Variants in PCDHGA1 observed in about 807,000 individuals in gnomAD.
The protein encoded by PCDHGA1 is protocadherin gamma-A1.
Under a neutral mutation model 58.0 loss-of-function variants are expected in PCDHGA1, and 32 were observed. That is an observed-to-expected ratio of 0.55 (90% CI 0.42 to 0.74). The LOEUF is 0.74. Ranked by LOEUF, PCDHGA1 falls within the 30% of genes least tolerant of loss-of-function variation. The pLI, the probability that PCDHGA1 is intolerant of heterozygous loss-of-function variation, is 0.00. For missense variants in PCDHGA1, 1,205 were observed against 1,182.3 expected, an observed-to-expected ratio of 1.02 and a Z score of -0.28; for synonymous variants, 498 against 501.1, an observed-to-expected ratio of 0.99 and a Z score of 0.08.
intron 1 of PCDHGA1, chr5:141,423,426 GGCAGGTA>G: frequency 1.9e-6 from 3 of 1,614,028 alleles, no homozygotes; most frequent in Non-Finnish European, 2.5e-6. Flanking sequence ...AAGGCGGGTT[GGCAGGTA>G]TGCCCACGTC....
chr5:141,366,737 G>GAAC, intron 1 of PCDHGA1: 2 of 1,612,444 alleles, frequency 1.2e-6, no homozygotes, highest in Non-Finnish European at 1.7e-6. Context: ...AAACAAAGAA[G>GAAC]AACGGCGAGT....
intron 1 of PCDHGA1, among the ~76,000 whole-genome samples, chr5:141,438,629 TATATATAC>T (rs1474630940): frequency 0.043 from 2,039 of 47,824 alleles, 19 homozygotes; most frequent in South Asian, 0.061. Flanking sequence ...TATATATATA[TATATATAC>T]ACACACACAC....
At position 141,339,713 on chromosome 5, in the gene PCDHGA1, C is replaced by T. The variant is rs760007319; in HGVS notation, c.2421+6608C>T. 12 of 1,614,112 alleles carry T rather than the reference C, an allele frequency of 7.4e-6. No homozygotes were observed. In the South Asian group the frequency reaches 7.7e-5, roughly 10 times the overall value. ...GCCTGTTTTTACACAGCCCGAGTAC[C>T]GCATAAGCATTCCGGAGAATACGCT... On this transcript the variant is annotated intron_variant, in intron 1 of 3. Coordinates refer to ENST00000517417, the MANE Select transcript of PCDHGA1 (RefSeq NM_018912.3).
intron 3 of PCDHGA1, among the ~76,000 whole-genome samples, chr5:141,509,745 T>C (rs1456852988): frequency 6.6e-6 from 1 of 152,186 alleles, no homozygotes; most frequent in East Asian, 1.9e-4. Context: ...TCTGAGCCTG[T>C]GCCTAAAGTG....
chr5:141,397,298 T>C (rs140040192), intron 1 of PCDHGA1, among the ~76,000 whole-genome samples: 13 of 152,318 alleles, frequency 8.5e-5, no homozygotes, highest in African/African-American at 2.9e-4. Context: ...AATGAATATT[T>C]CCTGAAGTAG....
chr5:141,375,842 C>CT (rs1331781655), intron 1 of PCDHGA1: 1 of 1,614,004 alleles, frequency 6.2e-7, no homozygotes, highest in Non-Finnish European at 8.5e-7. Flanking sequence ...GCCCGGCTAC[C>CT]TGGTGACCAA....
chr5:141,485,961 A>G lies in PCDHGA1; in HGVS notation c.2422-8846A>G. Reference sequence around the variant, plus strand: ...GCACCAGCGGGCATGGTGCTCATCCAGCTCAATGCCTCAGACCCGGACCTG... The same window carrying G: ...GCACCAGCGGGCATGGTGCTCATCCGGCTCAATGCCTCAGACCCGGACCTG... On this transcript the variant is annotated intron_variant, in intron 1 of 3. Coordinates refer to ENST00000517417, the MANE Select transcript of PCDHGA1 (RefSeq NM_018912.3). This position sits in a 1 kb window ranked among gnomAD's most constrained non-coding sequence, Gnocchi z 5.7. 1 of 1,614,204 alleles carries G rather than the reference A, an allele frequency of 6.2e-7. No individual in the cohort carries two copies. Among genetic ancestry groups the G allele is most frequent in the Non-Finnish European group, 8.5e-7 (1 of 1,180,028 alleles).
At chr5:141,423,248 C>A in intron 1 of PCDHGA1, 1 of 1,613,888 alleles carries the variant, frequency 6.2e-7, no homozygotes, top group Non-Finnish European at 8.5e-7. Context: ...GAAGTCCTGG[C>A]GGACCTCGGC....
chr5:141,365,027 C>T (rs1277837734), intron 1 of PCDHGA1: 1 of 1,613,896 alleles, frequency 6.2e-7, no homozygotes, highest in South Asian at 1.1e-5. Flanking sequence ...TGTTACGGTC[C>T]TCGACGCAAA....
At position 141,431,294 on chromosome 5, in the gene PCDHGA1, T is replaced by C; in HGVS notation, c.2422-63513T>C. 1.9e-6 allele frequency: 3 copies of C among 1,614,096 alleles called. No individual in the cohort carries two copies. Among genetic ancestry groups the C allele is most frequent in the Non-Finnish European group, 2.5e-6 (3 of 1,180,026 alleles). ...CGAGCTCAGCCCGAACACTCACTTC[T>C]CCCTCATCGTGCAAAATGGAGCCGA... On this transcript the variant is annotated intron_variant, in intron 1 of 3. Transcript: ENST00000517417. The surrounding 1 kb of genome is among the most constrained non-coding windows in gnomAD (Gnocchi z 4.8).
At chr5:141,372,324 G>C in intron 1 of PCDHGA1, 2 of 1,613,704 alleles carry the variant, frequency 1.2e-6, no homozygotes, top group South Asian at 2.2e-5. Context: ...GCGCCTGCTG[G>C]TCACTGTGCG....
intron 1 of PCDHGA1, chr5:141,352,367 G>A: frequency 3.1e-6 from 5 of 1,614,060 alleles, no homozygotes; most frequent in South Asian, 1.1e-5. Context: ...TCTCCTCGCG[G>A]TGATTCTAGC....
chr5:141,352,381 C>A, intron 1 of PCDHGA1: 1 of 1,614,052 alleles, frequency 6.2e-7, no homozygotes, highest in Admixed American at 1.7e-5. Flanking sequence ...TTCTAGCGAT[C>A]GCCCTGCGCC....
chr5:141,454,010 G>A (rs998092071), intron 1 of PCDHGA1, among the ~76,000 whole-genome samples: 2 of 152,146 alleles, frequency 1.3e-5, no homozygotes, highest in African/African-American at 4.8e-5. Context: ...TAACATTTTA[G>A]AAAAATGTAT....
chr5:141,449,837 TAATTA>T (rs1054425190), intron 1 of PCDHGA1, among the ~76,000 whole-genome samples: 11 of 151,856 alleles, frequency 7.2e-5, no homozygotes, highest in Middle Eastern at 3.4e-3. Context: ...TTCTTTTATA[TAATTA>T]AATTTTAATA....
At chr5:141,492,703 G>A (rs2099743198) in intron 1 of PCDHGA1, among the ~76,000 whole-genome samples, 1 of 152,246 alleles carries the variant, frequency 6.6e-6, no homozygotes, top group Non-Finnish European at 1.5e-5. Flanking sequence ...CAACCCAGAA[G>A]CCTCGAGCAG....
At chr5:141,505,583 T>C (rs2099846941) in intron 3 of PCDHGA1, 102 bp downstream of exon 3, 3 of 1,583,532 alleles carry the variant, frequency 1.9e-6, no homozygotes, top group Non-Finnish European at 2.6e-6. Flanking sequence ...ACCTGTGTAG[T>C]TTCTCCAGAT....
intron 1 of PCDHGA1, chr5:141,366,134 G>T: frequency 6.2e-6 from 10 of 1,614,204 alleles, no homozygotes; most frequent in Non-Finnish European, 8.5e-6. Context: ...AGGCCAGAAC[G>T]CCTGGCTGTC....
intron 1 of PCDHGA1, among the ~76,000 whole-genome samples, chr5:141,451,829 C>T (rs564970982): frequency 1.2e-4 from 18 of 151,422 alleles, no homozygotes; most frequent in African/African-American, 4.1e-4. Flanking sequence ...TACAGTGAGC[C>T]GAGATCACAC....
Sources: allele counts gnomAD v4.1 joint callset (sites outside exome capture counted in the v4.1 genomes callset), GRCh38; gene constraint gnomAD v4.1.1; non-coding constraint Gnocchi (gnomAD v3.1); transcripts MANE v1.5; gene names NCBI Gene and HGNC (gene_info 2026-07-23, HGNC 2026-07-21).